NIBAN1: variants seen among roughly 807,000 people sequenced by gnomAD.
The protein encoded by NIBAN1 is niban apoptosis regulator 1.
In NIBAN1, 81 loss-of-function variants were observed where a neutral mutation model predicts 75.1. The observed-to-expected ratio is 1.08, with a 90% confidence interval of 0.90 to 1.30. NIBAN1 has a LOEUF of 1.30. Ranked by LOEUF, NIBAN1 falls within the 50% of genes most tolerant of loss-of-function variation. The pLI, the probability that NIBAN1 is intolerant of heterozygous loss-of-function variation, is 0.00. For synonymous variants in NIBAN1, 436 were observed against 424.8 expected, an observed-to-expected ratio of 1.03 and a Z score of -0.32; for missense variants, 1,133 against 1,128.1, an observed-to-expected ratio of 1.00 and a Z score of -0.06.
At chr1:184,857,028 C>T (rs2102270905) in intron 5 of NIBAN1, among the ~76,000 whole-genome samples, 1 of 152,242 alleles carries the variant, frequency 6.6e-6, no homozygotes, top group Admixed American at 6.5e-5. Context: ...GCACAGTGTC[C>T]TCATCACACA....
chr1:184,938,596 T>C (rs1196516266), intron 1 of NIBAN1, among the ~76,000 whole-genome samples: 4 of 152,164 alleles, frequency 2.6e-5, no homozygotes, highest in South Asian at 2.1e-4. Flanking sequence ...GTTTAACATA[T>C]TTTTCAGCTT....
intron 1 of NIBAN1, among the ~76,000 whole-genome samples, chr1:184,921,330 TA>T: frequency 6.6e-6 from 1 of 151,508 alleles, no homozygotes; most frequent in East Asian, 1.9e-4. Context: ...ATCTAACATA[TA>T]AAAAGACATC....
intron 1 of NIBAN1, among the ~76,000 whole-genome samples, chr1:184,940,264 C>T (rs1658056439): frequency 2.0e-5 from 3 of 152,162 alleles, no homozygotes; most frequent in Admixed American, 6.5e-5. Flanking sequence ...CCAGCAGAAC[C>T]GTGGCTGGAC....
Position 184,940,146 on chromosome 1 carries a change from T to C in NIBAN1, c.55+34156A>G, listed in dbSNP as rs72739640. 5.9e-3 allele frequency among the ~76,000 whole-genome samples: 894 copies of C among 152,248 alleles called. 8 individuals are homozygous for C. The highest frequency in any genetic ancestry group is 0.031 in the South Asian group (151 of 4,826). On this transcript the variant is annotated intron_variant, in intron 1 of 13. Transcript: ENST00000367511. Reference sequence around the variant, plus strand: ...GGCCAGGTCCTGGGCTAAGTGGGGATTCTGGCCAGACACCCTGTGCCCTGA... The same window carrying C: ...GGCCAGGTCCTGGGCTAAGTGGGGACTCTGGCCAGACACCCTGTGCCCTGA...
At chr1:184,892,223 T>G (rs957487041) in intron 3 of NIBAN1, among the ~76,000 whole-genome samples, 1 of 152,198 alleles carries the variant, frequency 6.6e-6, no homozygotes, top group Non-Finnish European at 1.5e-5. Context: ...CCCAGCCATA[T>G]GCTAAATGCT....
intron 1 of NIBAN1, among the ~76,000 whole-genome samples, chr1:184,936,876 G>A (rs1391144033): frequency 1.3e-5 from 2 of 152,062 alleles, no homozygotes; most frequent in South Asian, 2.1e-4. Context: ...CATCTTTGGG[G>A]AGCATTCTTC....
At chr1:184,862,369 T>G (rs1655840562) in intron 5 of NIBAN1, among the ~76,000 whole-genome samples, 1 of 151,998 alleles carries the variant, frequency 6.6e-6, no homozygotes, top group South Asian at 2.1e-4. Context: ...GCTGTGGCTA[T>G]TCACAGGCGC....
At chr1:184,856,668 G>A (rs1655685524) in intron 5 of NIBAN1, among the ~76,000 whole-genome samples, 2 of 152,124 alleles carry the variant, frequency 1.3e-5, no homozygotes, top group South Asian at 2.1e-4. Flanking sequence ...GTCACTGTGA[G>A]GGATTCTCTG....
At chr1:184,885,959 G>A (rs969222629) in intron 4 of NIBAN1, among the ~76,000 whole-genome samples, 10 of 151,758 alleles carry the variant, frequency 6.6e-5, no homozygotes, top group South Asian at 2.1e-4. Context: ...CCATCTCCTC[G>A]CTAAGCATCG....
At chr1:184,952,405 A>G (rs1281449612) in intron 1 of NIBAN1, among the ~76,000 whole-genome samples, 1 of 152,214 alleles carries the variant, frequency 6.6e-6, no homozygotes, top group Non-Finnish European at 1.5e-5. Flanking sequence ...TGTCTCAAAA[A>G]AAGAAAAAGA....
chr1:184,806,394 C>T (rs1259248881), intron 10 of NIBAN1, among the ~76,000 whole-genome samples: 2 of 152,190 alleles, frequency 1.3e-5, no homozygotes, highest in African/African-American at 2.4e-5. Flanking sequence ...TTTGGTGGCA[C>T]CTCCACTTTA....
chr1:184,822,371 T>C (rs1654726735), intron 8 of NIBAN1, among the ~76,000 whole-genome samples: 1 of 152,204 alleles, frequency 6.6e-6, no homozygotes. Flanking sequence ...ATAGTAAATA[T>C]TTGTGCCTTT....
At chr1:184,870,094 G>A (rs1484508581) in intron 5 of NIBAN1, among the ~76,000 whole-genome samples, 1 of 152,182 alleles carries the variant, frequency 6.6e-6, no homozygotes, top group African/African-American at 2.4e-5. Flanking sequence ...CTGGAATAAT[G>A]CCAGGGACTC....
intron 1 of NIBAN1, among the ~76,000 whole-genome samples, chr1:184,930,695 C>A (rs545147969): frequency 4.6e-5 from 7 of 152,282 alleles, no homozygotes; most frequent in East Asian, 1.9e-4. Flanking sequence ...CAAATATGAC[C>A]ATGACGCTTC....
intron 1 of NIBAN1, among the ~76,000 whole-genome samples, chr1:184,912,470 A>G (rs1657266577): frequency 6.6e-6 from 1 of 152,198 alleles, no homozygotes; most frequent in Non-Finnish European, 1.5e-5. Flanking sequence ...CTAGCAGGGT[A>G]TAAGAGTTAC....
At chr1:184,817,997 T>C (rs549088) in intron 9 of NIBAN1, among the ~76,000 whole-genome samples, 127,594 of 152,204 alleles carry the variant, frequency 0.84, 54,106 homozygotes, top group African/African-American at 0.96. Context: ...TGTCACTTGA[T>C]CTTTTTTGTC....
chr1:184,818,532 A>T (rs1654601744), intron 9 of NIBAN1, 106 bp downstream of exon 9: 1 of 1,119,724 alleles, frequency 8.9e-7, no homozygotes, highest in African/African-American at 1.6e-5. Context: ...GAAGAATGGA[A>T]GGAAGGAAAG....
intron 5 of NIBAN1, 91 bp from the exon 6 acceptor site, chr1:184,832,053 T>C: frequency 1.1e-6 from 1 of 881,588 alleles, no homozygotes; most frequent in Non-Finnish European, 1.8e-6. Context: ...GACCTAGCAT[T>C]ATCTGAAAAT....
intron 1 of NIBAN1, among the ~76,000 whole-genome samples, chr1:184,957,158 A>G (rs944000051): frequency 3.9e-5 from 6 of 152,236 alleles, no homozygotes; most frequent in Admixed American, 3.3e-4. Context: ...GCCTGGATTC[A>G]GCTGTTGCCA....
Sources: allele counts gnomAD v4.1 joint callset (sites outside exome capture counted in the v4.1 genomes callset), GRCh38; gene constraint gnomAD v4.1.1; transcripts MANE v1.5; gene names NCBI Gene and HGNC (gene_info 2026-07-23, HGNC 2026-07-21).